RBM23: variants seen among roughly 807,000 people sequenced by gnomAD.
RBM23 encodes RNA binding motif protein 23, also known as probable RNA-binding protein 23.
RBM23 carries 53 observed loss-of-function variants against 56.2 expected under a neutral mutation model. That is an observed-to-expected ratio of 0.94 (90% CI 0.76 to 1.19). The LOEUF (loss-of-function observed/expected upper bound fraction) is 1.19. RBM23 is among the 50% of genes most tolerant of loss of function. The pLI is 0.00. For missense variants in RBM23, 642 were observed against 590.3 expected (o/e 1.09, Z -0.91); for synonymous variants, 197 against 198.5 (o/e 0.99, Z 0.06).
In RBM23 at chr14:22,902,098, G is replaced by A. The variant is rs774832667; in HGVS notation, c.1128C>T (p.Gly376=). ...CAGTGCTTGGCAGTTGGATTCCAGC[G>A]CCTAAAAGGAAAAGAAAAGGTGGGA... ...RFQLMAKLAE[G]AGIQLPSTAA... is the part of the protein sequence containing the mutation. The change falls in exon 12 of 14, where the codon GGC becomes GGT. Residue 376 remains glycine, a splice_region_variant and synonymous_variant. Coordinates refer to ENST00000359890, the MANE Select transcript of RBM23 (RefSeq NM_001077351.2). The A allele has an allele frequency of 2.7e-5, 44 of 1,607,698 alleles. 1 individual carries two copies. Among genetic ancestry groups the A allele is most frequent in the East Asian group, 1.3e-4 (6 of 44,764 alleles).
At chr14:22,909,383 G>T in intron 3 of RBM23, 100 bp downstream of exon 3, 1 of 930,926 alleles carries the variant, frequency 1.1e-6, no homozygotes, top group Non-Finnish European at 1.7e-6. Flanking sequence ...ACAGTCAGCA[G>T]TCTTAACAGA....
At position 22,910,151 on chromosome 14, in the gene RBM23, CAAAAA is replaced by C. The variant is rs532892000; in HGVS notation, c.67-561_67-557del. On this transcript the variant is annotated intron_variant, in intron 2 of 13. Coordinates refer to ENST00000359890, the MANE Select transcript of RBM23 (RefSeq NM_001077351.2). ...TGGGCAGCCTAGTGAGACTCTGTCT[CAAAAA>C]AAAAAAAAAAAAAAAAAAAAAGAGG... 4.9e-3 allele frequency among the ~76,000 whole-genome samples: 82 copies of C among 16,702 alleles called. 2 individuals are homozygous for C. The highest frequency in any genetic ancestry group is 0.013 in the East Asian group (4 of 298). The allele number at this position is 16,702 out of a possible 152,430, so 11.0% of individuals were successfully genotyped here. A position where few individuals can be genotyped will look rare whatever the true frequency, so the allele number is the denominator to read the frequency against.
At chr14:22,905,703 G>C (rs2041416625) in intron 5 of RBM23, 44 bp from the exon 6 acceptor site, 4 of 1,442,616 alleles carry the variant, frequency 2.8e-6, no homozygotes, top group Admixed American at 3.5e-5. Context: ...TATTCTCATT[G>C]GTCCAATGCT....
chr14:22,905,183 C>T lies in RBM23; in HGVS notation c.637G>A (p.Glu213Lys). The change falls in exon 8 of 14, where the codon GAA becomes AAA. Residue 213 changes from glutamate (E) to lysine (K), a missense_variant. By Grantham distance (56) the Glu-to-Lys change is moderately conservative. Coordinates refer to ENST00000359890, the MANE Select transcript of RBM23 (RefSeq NM_001077351.2). ...GGCACAGACTGGATTTCACAGAATT[C>T]CACGTAGGCAATGCCCTTAGAACGA... is the stretch of plus-strand genomic sequence containing the variant. ...SRRSKGIAYV[E>K]FCEIQSVPLA... 6.2e-7 allele frequency: 1 copy of T among 1,614,196 alleles called. No individual in the cohort carries two copies. Among genetic ancestry groups the T allele is most frequent in the Non-Finnish European group, 8.5e-7 (1 of 1,180,034 alleles).
In RBM23 at chr14:22,904,910, C is replaced by T; in HGVS notation, c.829G>A (p.Asp277Asn). The T allele has an allele frequency of 6.2e-7, 1 of 1,614,200 alleles. No individual in the cohort carries two copies. Among genetic ancestry groups the T allele is most frequent in the Non-Finnish European group, 8.5e-7 (1 of 1,180,038 alleles). ...GGCTCAAAGATGCCCCGGAGCATGT[C>T]TTCAGTGATATTGAAGTGCAGGGAA... ...VGSLHFNITE[D>N]MLRGIFEPFG... Residue 277 changes from aspartate (D) to asparagine (N), a missense_variant, in exon 9 of 14, where the codon GAC becomes AAC. Transcript: ENST00000359890.
rs146962160 is a variant in RBM23, at chr14:22,915,729, C to G, written c.-11+3270G>C. ...CAGGCTGGTCTCAAACTCCTGACCT[C>G]AGGTAATCCGCCTGCCTCGGCCTCC... On this transcript the variant is annotated intron_variant, in intron 1 of 13. Transcript: ENST00000359890. Among the ~76,000 whole-genome samples, 22 of 152,312 alleles carry G rather than the reference C, an allele frequency of 1.4e-4. 1 individual carries two copies. In the East Asian group the frequency reaches 4.0e-3, roughly 28 times the overall value.
In RBM23 at chr14:22,911,479, C is replaced by T. The variant is rs536214384; in HGVS notation, c.-10-76G>A. Reference sequence around the variant, plus strand: ...TTTCCAGCACCACACATTTCTTTCCCACTCCAAGAAAGAGACTTCAGGATA... The same window carrying T: ...TTTCCAGCACCACACATTTCTTTCCTACTCCAAGAAAGAGACTTCAGGATA... On this transcript the variant is annotated intron_variant, in intron 1 of 13. Transcript: ENST00000359890. The T allele has an allele frequency of 2.4e-6, 3 of 1,236,248 alleles. No individual in the cohort carries two copies. The African/African-American group carries it at 4.5e-5, about 19-fold the overall frequency. The allele number at this position is 1,236,248 out of a possible 1,614,324, so 76.6% of individuals were successfully genotyped here.
rs397852290 is a variant in RBM23 at position 22,908,946 on chromosome 14, AT to A, written c.179+536del. On this transcript the variant is annotated intron_variant, in intron 3 of 13. Coordinates refer to ENST00000359890, the MANE Select transcript of RBM23 (RefSeq NM_001077351.2). ...TTTCCAAATCAGGGGTCCTCTTGCT[AT>A]TTTTTTTTTTTTTGAGACAGAGTCT... Among the ~76,000 whole-genome samples the A allele has an allele frequency of 1.5e-3, 209 of 141,360 alleles. 1 individual carries two copies. The highest frequency in any genetic ancestry group is 1.8e-3 in the Admixed American group (25 of 14,172). The allele number at this position is 141,360 out of a possible 152,430, so 92.7% of individuals were successfully genotyped here.
At chr14:22,908,410 T>C (rs1365574917) in intron 3 of RBM23, 30 bp from the exon 4 acceptor site, 1 of 1,540,542 alleles carries the variant, frequency 6.5e-7, no homozygotes, top group Admixed American at 2.0e-5. Flanking sequence ...CTTCTTTTTT[T>C]TTTTTTAATT....
chr14:22,896,078 C>T lies in RBM23; in HGVS notation c.*5652G>A, dbSNP rs1173249958. The T allele has an allele frequency of 1.3e-5, 2 of 152,132 alleles. No individual in the cohort carries two copies. Among genetic ancestry groups the T allele is most frequent in the Non-Finnish European group, 2.9e-5 (2 of 68,026 alleles). 9.4% of individuals were successfully genotyped at this position (152,132 alleles called of 1,614,324 possible). Reference sequence around the variant, plus strand: ...TCACCATTGCACTGCCCTTGCTTTTCCCCATAAACCTTGAGCTCTAAAGTT... The same window carrying T: ...TCACCATTGCACTGCCCTTGCTTTTTCCCATAAACCTTGAGCTCTAAAGTT... On this transcript the variant is annotated 3_prime_UTR_variant, in exon 14 of 14. Transcript: ENST00000359890.
chr14:22,909,440 C>G, intron 3 of RBM23, 43 bp downstream of exon 3: 1 of 1,506,946 alleles, frequency 6.6e-7, no homozygotes, highest in Non-Finnish European at 9.2e-7. Flanking sequence ...AAAACTGTTT[C>G]CCTTCCCCAA....
intron 10 of RBM23, chr14:22,903,488 G>A (rs928842369): frequency 4.1e-6 from 4 of 985,626 alleles, no homozygotes; most frequent in African/African-American, 3.5e-5. Flanking sequence ...CTTAGGGCCT[G>A]GCATGTGGTA....
In RBM23 at chr14:22,906,273, C is replaced by A. The variant is rs201485980; in HGVS notation, c.323G>T (p.Arg108Leu). 5.6e-6 allele frequency: 9 copies of A among 1,614,234 alleles called. No homozygotes were observed. The highest frequency in any genetic ancestry group is 6.8e-6 in the Non-Finnish European group (8 of 1,180,048). The change falls in exon 5 of 14, where the codon CGA (arginine) becomes CTA (leucine). Residue 108 changes from arginine (R) to leucine (L), a missense_variant. By Grantham distance (102) the Arg-to-Leu change is moderately radical. Transcript: ENST00000359890. ...CCGACTTCGCGACTCACTACCATGT[C>A]GACGATCCCAGCTACGGCTACGGTG... is the stretch of plus-strand genomic sequence containing the variant. ...CRHRSRSWDR[R>L]HGSESRSRDH...
At chr14:22,914,323 C>CAAA (rs1176405918) in intron 1 of RBM23, among the ~76,000 whole-genome samples, 36 of 87,720 alleles carry the variant, frequency 4.1e-4, no homozygotes, top group African/African-American at 7.0e-4. Flanking sequence ...GACTCTGTCT[C>CAAA]AAAAAAAAAA....
chr14:22,898,544 C>A lies in RBM23; in HGVS notation c.*3186G>T, dbSNP rs1305798901. 1 of 152,052 alleles carries A rather than the reference C, an allele frequency of 6.6e-6. No individual in the cohort carries two copies. The highest frequency in any genetic ancestry group is 1.5e-5 in the Non-Finnish European group (1 of 68,034). 9.4% of individuals were successfully genotyped at this position (152,052 alleles called of 1,614,324 possible). On this transcript the variant is annotated 3_prime_UTR_variant, in exon 14 of 14. Transcript: ENST00000359890. ...GATGAGTAACAAGAAGGCACTGAGT[C>A]ACACACGGACAGCAACTGTCACTCA...
chr14:22,909,675 G>A (rs182995040), intron 2 of RBM23, 80 bp from the exon 3 acceptor site: 279 of 1,047,600 alleles, frequency 2.7e-4, no homozygotes, highest in Middle Eastern at 1.6e-3. Flanking sequence ...GAACAAAGGT[G>A]GACAAGGAAT....
At chr14:22,913,271 G>A (rs183086639) in intron 1 of RBM23, among the ~76,000 whole-genome samples, 7 of 151,270 alleles carry the variant, frequency 4.6e-5, no homozygotes, top group Non-Finnish European at 8.9e-5. Flanking sequence ...AATATTAGCC[G>A]GGCGTGGTGG....
chr14:22,902,686 A>T, intron 10 of RBM23: 1 of 1,080,662 alleles, frequency 9.3e-7, no homozygotes, highest in South Asian at 4.2e-5. Context: ...TGGGTATATC[A>T]AATGGAAGAC....
At chr14:22,904,348 T>C in intron 9 of RBM23, 22 bp from the exon 10 acceptor site, 4 of 1,588,688 alleles carry the variant, frequency 2.5e-6, no homozygotes, top group Middle Eastern at 4.0e-4. Context: ...TGAGAAATTA[T>C]CAGTAAACTT....
Sources: allele counts gnomAD v4.1 joint callset (sites outside exome capture counted in the v4.1 genomes callset), GRCh38; gene constraint gnomAD v4.1.1; transcripts MANE v1.5; gene names NCBI Gene and HGNC (gene_info 2026-07-23, HGNC 2026-07-21).